MYH10: variants seen among roughly 807,000 people sequenced by gnomAD.
MYH10 encodes the protein myosin-10.
Under a neutral mutation model 257.8 loss-of-function variants are expected in MYH10, and 55 were observed. The ratio of observed to expected loss-of-function variants is 0.21; its 90% CI spans 0.17 to 0.27. The LOEUF (loss-of-function observed/expected upper bound fraction) is 0.27, where lower values mean the gene tolerates loss of function less well. Among genes scored for constraint, MYH10 ranks in the 10% least tolerant of loss-of-function variants. MYH10 has a pLI of 1.00. For synonymous variants in MYH10, 854 were observed against 921.7 expected, an observed-to-expected ratio of 0.93 and a Z score of 1.33; for missense variants, 1,631 against 2,500.6, an observed-to-expected ratio of 0.65 and a Z score of 7.42.
intron 37 of MYH10, 99 bp from the exon 38 acceptor site, chr17:8,481,509 T>C (rs1913805875): frequency 1.0e-6 from 1 of 998,882 alleles, no homozygotes; most frequent in South Asian, 1.5e-5. Flanking sequence ...CTCCTGTCAC[T>C]GTTTACCTGC....
intron 14 of MYH10, among the ~76,000 whole-genome samples, chr17:8,540,257 A>G (rs2082257333): frequency 1.3e-5 from 2 of 152,192 alleles, no homozygotes; most frequent in Non-Finnish European, 2.9e-5. Context: ...AGCCTCCCAA[A>G]GTACTGGGAT....
chr17:8,572,625 T>C (rs557318462), intron 6 of MYH10, among the ~76,000 whole-genome samples: 2 of 152,054 alleles, frequency 1.3e-5, no homozygotes, highest in East Asian at 1.9e-4. Flanking sequence ...CTAGAACTAT[T>C]TGGGGAGGGG....
At chr17:8,566,212 T>TTAAA (rs1369479720) in intron 7 of MYH10, among the ~76,000 whole-genome samples, 4 of 152,124 alleles carry the variant, frequency 2.6e-5, no homozygotes, top group African/African-American at 9.7e-5. Context: ...CAGTTACAGG[T>TTAAA]TAAAACCCTA....
intron 19 of MYH10, among the ~76,000 whole-genome samples, chr17:8,519,806 T>C (rs2081589653): frequency 6.6e-6 from 1 of 152,070 alleles, no homozygotes; most frequent in Non-Finnish European, 1.5e-5. Flanking sequence ...TCAAATCTGA[T>C]TTCCAGAAAA....
chr17:8,482,400 C>T (rs1324211748), intron 37 of MYH10, among the ~76,000 whole-genome samples: 2 of 152,212 alleles, frequency 1.3e-5, no homozygotes, highest in African/African-American at 2.4e-5. Context: ...TGGGTTCTAG[C>T]ACATCCTGGC....
intron 11 of MYH10, 117 bp from the exon 12 acceptor site, chr17:8,546,779 A>G (rs1418642384): frequency 1.5e-6 from 1 of 682,650 alleles, no homozygotes; most frequent in African/African-American, 1.8e-5. Flanking sequence ...GAAATAAATA[A>G]AAGTCTTAAA....
chr17:8,508,446 T>C (rs1023223182), intron 26 of MYH10, 108 bp downstream of exon 26: 1 of 1,473,152 alleles, frequency 6.8e-7, no homozygotes, highest in African/African-American at 1.4e-5. Context: ...AAGGTCCTTA[T>C]TATTAGTAAT....
chr17:8,572,089 G>T (rs1323748531), intron 6 of MYH10, among the ~76,000 whole-genome samples: 1 of 152,138 alleles, frequency 6.6e-6, no homozygotes, highest in Non-Finnish European at 1.5e-5. Context: ...ATAAGAAAAA[G>T]ACTTTGATAG....
intron 34 of MYH10, among the ~76,000 whole-genome samples, chr17:8,491,269 G>A (rs1287129123): frequency 6.6e-6 from 1 of 152,240 alleles, no homozygotes; most frequent in African/African-American, 2.4e-5. Context: ...CTGGTGCTCA[G>A]TAGGCACAAA....
intron 17 of MYH10, 38 bp downstream of exon 17, chr17:8,530,585 C>A (rs1174782536): frequency 1.3e-6 from 2 of 1,485,378 alleles, no homozygotes; most frequent in Non-Finnish European, 9.1e-7. Context: ...GCTTAAAACC[C>A]TTCTGTTTTG....
chr17:8,620,972 A>AT (rs2085444340), intron 2 of MYH10, among the ~76,000 whole-genome samples: 1 of 152,226 alleles, frequency 6.6e-6, no homozygotes, highest in Non-Finnish European at 1.5e-5. Context: ...TCAGTAAGAG[A>AT]TAACTGTAAA....
At chr17:8,543,438 G>A (rs1478668843) in intron 13 of MYH10, among the ~76,000 whole-genome samples, 3 of 150,952 alleles carry the variant, frequency 2.0e-5, no homozygotes, top group African/African-American at 7.3e-5. Context: ...TCAGGATGAT[G>A]ACATCCTATT....
chr17:8,525,626 G>A (rs1452237042), intron 17 of MYH10, among the ~76,000 whole-genome samples: 1 of 152,196 alleles, frequency 6.6e-6, no homozygotes, highest in Admixed American at 6.5e-5. Flanking sequence ...AGCCTACACG[G>A]GCAGTTCTTA....
intron 37 of MYH10, 52 bp downstream of exon 37, chr17:8,484,086 A>C: frequency 6.8e-7 from 1 of 1,468,810 alleles, no homozygotes. Flanking sequence ...ATCTTGGAGA[A>C]ATTTCAAGGG....
At chr17:8,501,066 A>T in intron 28 of MYH10, 96 bp from the exon 29 acceptor site, 1 of 1,282,580 alleles carries the variant, frequency 7.8e-7, no homozygotes, top group South Asian at 1.4e-5. Flanking sequence ...TTTAAATATT[A>T]CATAAATTCC....
At chr17:8,567,670 G>A (rs1025119674) in intron 7 of MYH10, among the ~76,000 whole-genome samples, 5 of 152,162 alleles carry the variant, frequency 3.3e-5, no homozygotes, top group African/African-American at 9.7e-5. Flanking sequence ...GGAAGGCCAC[G>A]TGAAGACATA....
chr17:8,537,385 G>A (rs2082172409), intron 14 of MYH10, among the ~76,000 whole-genome samples: 1 of 152,220 alleles, frequency 6.6e-6, no homozygotes, highest in African/African-American at 2.4e-5. Context: ...ATGAAACAGT[G>A]TAATAAAGTG....
Position 8,475,849 on chromosome 17 carries a change from A to T in MYH10, c.5979T>A (p.Ser1993Arg), listed in dbSNP as rs764871429. Residue 1993 changes from serine (S) to arginine (R), a missense_variant, in exon 43 of 43, where the codon AGT becomes AGA. By Grantham distance (110) the Ser-to-Arg change is moderately radical (BLOSUM62 -1). Coordinates refer to ENST00000360416, the MANE Select transcript of MYH10 (RefSeq NM_001256012.3). ...SLELSDDDTE[S>R]KTSDVNETQP... ...GCGTCTCGTTGACATCACTGGTCTTACTTTCTGTGTCATCGTCGGAGAGCT... is the reference window on the plus strand; with the variant it reads ...GCGTCTCGTTGACATCACTGGTCTTTCTTTCTGTGTCATCGTCGGAGAGCT... 2 of 1,614,132 alleles carry T rather than the reference A, an allele frequency of 1.2e-6. No individual in the cohort carries two copies. Among genetic ancestry groups the T allele is most frequent in the South Asian group, 1.1e-5 (1 of 91,082 alleles).
At chr17:8,484,530 G>A (rs934642129) in intron 36 of MYH10, among the ~76,000 whole-genome samples, 1 of 152,126 alleles carries the variant, frequency 6.6e-6, no homozygotes, top group African/African-American at 2.4e-5. Flanking sequence ...GATATCGTAA[G>A]AAAACTACAG....
Sources: gnomAD v4.1 joint callset for allele counts (sites outside exome capture counted in the v4.1 genomes callset) on GRCh38, gnomAD v4.1.1 for gene constraint, MANE v1.5 for transcripts, NCBI Gene and HGNC (gene_info 2026-07-23, HGNC 2026-07-21) for gene names.